Variants in CUL3 observed in about 807,000 individuals in gnomAD.
CUL3 encodes the protein cullin-3.
CUL3 carries 19 observed loss-of-function variants against 89.1 expected under a neutral mutation model. That is an observed-to-expected ratio of 0.21 (90% CI 0.15 to 0.31). CUL3 has a LOEUF of 0.31. CUL3 is among the 10% of genes least tolerant of loss of function. The probability of loss-of-function intolerance (pLI) is 1.00; values close to 1 mark genes in which losing one functional copy is unlikely to be tolerated. For synonymous variants in CUL3, 351 were observed against 308.4 expected, an observed-to-expected ratio of 1.14 and a Z score of -1.45; for missense variants, 469 against 942.3, an observed-to-expected ratio of 0.50 and a Z score of 6.58.
intron 2 of CUL3, among the ~76,000 whole-genome samples, chr2:224,552,417 G>A (rs1694548210): frequency 6.6e-6 from 1 of 152,084 alleles, no homozygotes; most frequent in Non-Finnish European, 1.5e-5. Context: ...CATTCTTCCA[G>A]AGACAAGAAA....
At chr2:224,562,569 T>C (rs1310691917) in intron 1 of CUL3, 1 of 144,642 alleles carries the variant, frequency 6.9e-6, no homozygotes, top group East Asian at 2.0e-4. Context: ...ACCCGGGAGG[T>C]AGAGGCTGAA....
At chr2:224,522,209 A>C (rs1049251097) in intron 3 of CUL3, among the ~76,000 whole-genome samples, 4 of 152,198 alleles carry the variant, frequency 2.6e-5, no homozygotes, top group Non-Finnish European at 5.9e-5. Flanking sequence ...CTTTCAAATC[A>C]TGAAATAAAT....
At chr2:224,541,736 A>G (rs1694113050) in intron 2 of CUL3, among the ~76,000 whole-genome samples, 1 of 152,222 alleles carries the variant, frequency 6.6e-6, no homozygotes, top group African/African-American at 2.4e-5. Context: ...GGAACAAATT[A>G]TTGATAGAAT....
At chr2:224,513,018 T>C (rs1313205252) in intron 5 of CUL3, among the ~76,000 whole-genome samples, 1 of 152,232 alleles carries the variant, frequency 6.6e-6, no homozygotes, top group Non-Finnish European at 1.5e-5. Context: ...AAGACCCTGA[T>C]GATCCACTTC....
At chr2:224,582,029 A>G (rs1695453273) in intron 1 of CUL3, among the ~76,000 whole-genome samples, 2 of 152,126 alleles carry the variant, frequency 1.3e-5, no homozygotes, top group Non-Finnish European at 2.9e-5. Context: ...CAATGGCGCG[A>G]TCTCAGCTCA....
chr2:224,525,288 T>G (rs1238627548), intron 3 of CUL3, among the ~76,000 whole-genome samples: 1 of 152,192 alleles, frequency 6.6e-6, no homozygotes, highest in Admixed American at 6.5e-5. Context: ...AAATTCAAAT[T>G]TGAATCAAAA....
intron 3 of CUL3, among the ~76,000 whole-genome samples, chr2:224,532,664 GAC>G (rs1183192477): frequency 6.6e-6 from 1 of 152,160 alleles, no homozygotes; most frequent in Non-Finnish European, 1.5e-5. Context: ...AGTTATGAAT[GAC>G]ACACGACAGA....
At chr2:224,527,677 G>T (rs549412369) in intron 3 of CUL3, among the ~76,000 whole-genome samples, 1 of 152,152 alleles carries the variant, frequency 6.6e-6, no homozygotes, top group African/African-American at 2.4e-5. Context: ...TGGCATTGAA[G>T]ATCATCTTTT....
intron 3 of CUL3, among the ~76,000 whole-genome samples, chr2:224,531,054 G>A (rs1693678748): frequency 6.6e-6 from 1 of 150,836 alleles, no homozygotes; most frequent in South Asian, 2.1e-4. Context: ...AGAACATGAA[G>A]GTATCAACAC....
intron 2 of CUL3, among the ~76,000 whole-genome samples, chr2:224,542,562 TGTGTGTGTGCGCGCGCGCATGC>T (rs1559199497): frequency 1.3e-5 from 2 of 151,534 alleles, no homozygotes; most frequent in African/African-American, 4.9e-5. Context: ...TGTGCGTGTG[TGTGTGTGTGCGCGCGCGCATGC>T]GTGTGTAGGT....
chr2:224,558,059 A>T (rs1694779882), intron 1 of CUL3, among the ~76,000 whole-genome samples: 2 of 152,086 alleles, frequency 1.3e-5, no homozygotes, highest in Admixed American at 1.3e-4. Flanking sequence ...TAGATCTGTT[A>T]GAAGCACTTT....
intron 1 of CUL3, chr2:224,560,445 C>T (rs990467439): frequency 6.5e-6 from 1 of 152,676 alleles, no homozygotes; most frequent in African/African-American, 2.4e-5. Context: ...CTTACCAAGC[C>T]TGAAACAGAA....
chr2:224,525,874 A>G (rs1329420553), intron 3 of CUL3, among the ~76,000 whole-genome samples: 1 of 152,220 alleles, frequency 6.6e-6, no homozygotes, highest in Non-Finnish European at 1.5e-5. Flanking sequence ...AGATGGTATA[A>G]AACTTAAGAG....
rs71062931 is a variant in CUL3, at chr2:224,480,099, A to AGGT, written c.2030-1757_2030-1755dup. The AGGT allele has an allele frequency of 8.7e-4, 132 of 151,464 alleles. 3 individuals are homozygous for AGGT. The highest frequency in any genetic ancestry group is 2.2e-3 in the South Asian group (11 of 5,018). The allele number at this position is 151,464 out of a possible 1,614,324, so 9.4% of individuals were successfully genotyped here. A position where few individuals can be genotyped will look rare whatever the true frequency, so the allele number is the denominator to read the frequency against. On this transcript the variant is annotated intron_variant, in intron 14 of 15. Coordinates refer to ENST00000264414, the MANE Select transcript of CUL3 (RefSeq NM_003590.5). The stretch of plus-strand genomic sequence containing the variant: ...CTGGGGGATGGAATTTGAGAAAGGC[A>AGGT]GGTGGTGGTGGTGGTGGTGGTGGTG...
At chr2:224,547,236 A>G (rs1446173574) in intron 2 of CUL3, among the ~76,000 whole-genome samples, 1 of 152,060 alleles carries the variant, frequency 6.6e-6, no homozygotes, top group African/African-American at 2.4e-5. Context: ...AATCCCCTAC[A>G]ATGGTTTTCA....
At position 224,500,491 on chromosome 2, in the gene CUL3, T is replaced by C. The variant is rs1417598211; in HGVS notation, c.1486-4A>G. On this transcript the variant is annotated splice_region_variant and splice_polypyrimidine_tract_variant and intron_variant, in intron 10 of 15. Coordinates refer to ENST00000264414, the MANE Select transcript of CUL3 (RefSeq NM_003590.5). ...GATCAACACCACCTAAAGATACCTA[T>C]GTAAAACAGAAAGAGATATTCCCCT... 6.2e-7 allele frequency: 1 copy of C among 1,613,564 alleles called. No homozygotes were observed. The highest frequency in any genetic ancestry group is 8.5e-7 in the Non-Finnish European group (1 of 1,179,590).
In CUL3 at chr2:224,514,656, T is replaced by C. The variant is rs758001830; in HGVS notation, c.495A>G (p.Leu165=). 13 of 1,613,552 alleles carry C rather than the reference T, an allele frequency of 8.1e-6. No individual in the cohort carries two copies. The Admixed American group carries it at 1.0e-4, about 12-fold the overall frequency. The change falls in exon 4 of 16, where the codon CTA becomes CTG. Residue 165 remains leucine (L), a synonymous_variant. Coordinates refer to ENST00000264414, the MANE Select transcript of CUL3 (RefSeq NM_003590.5). ...GCIRDHLRQT[L]LDMIARERKG... Reference sequence around the variant, plus strand: ...TCCGCTCTCTTGCAATCATATCCAATAGAGTTTGCCGTAGATGATCCCTAA... The same window carrying C: ...TCCGCTCTCTTGCAATCATATCCAACAGAGTTTGCCGTAGATGATCCCTAA...
At chr2:224,569,274 C>T (rs770555426) in intron 1 of CUL3, among the ~76,000 whole-genome samples, 1 of 152,116 alleles carries the variant, frequency 6.6e-6, no homozygotes, top group African/African-American at 2.4e-5. Context: ...CATCTATATA[C>T]ACAAACATGT....
At chr2:224,505,829 C>A in intron 8 of CUL3, 127 bp downstream of exon 8, 1 of 520,800 alleles carries the variant, frequency 1.9e-6, no homozygotes, top group East Asian at 3.4e-5. Context: ...TTTAATAGAC[C>A]ATGGCACCCA....
Sources: gnomAD v4.1 joint callset for allele counts (sites outside exome capture counted in the v4.1 genomes callset) on GRCh38, gnomAD v4.1.1 for gene constraint, MANE v1.5 for transcripts, NCBI Gene and HGNC (gene_info 2026-07-23, HGNC 2026-07-21) for gene names.